Variants in PDGFD observed in about 807,000 individuals in gnomAD.
PDGFD encodes the protein platelet derived growth factor D.
In PDGFD, 30 loss-of-function variants were observed where a neutral mutation model predicts 44.7. The observed-to-expected ratio is 0.67, with a 90% CI of 0.50 to 0.91. PDGFD has a LOEUF of 0.91. Ranked by LOEUF, PDGFD falls within the 40% of genes least tolerant of loss-of-function variation. PDGFD has a pLI of 0.00. For missense variants in PDGFD, 445 were observed against 457.8 expected (o/e 0.97, Z 0.25); for synonymous variants, 173 against 168.4 (o/e 1.03, Z -0.21).
chr11:103,950,548 A>G (rs1159066704), intron 3 of PDGFD, among the ~76,000 whole-genome samples: 1 of 130,352 alleles, frequency 7.7e-6, no homozygotes, highest in African/African-American at 2.9e-5. Context: ...TGGCAACAAG[A>G]GCGAAACTCT....
chr11:103,981,414 A>T (rs1859271143), intron 3 of PDGFD, among the ~76,000 whole-genome samples: 1 of 151,744 alleles, frequency 6.6e-6, no homozygotes, highest in Non-Finnish European at 1.5e-5. Flanking sequence ...ATAGCAATAG[A>T]AAAGGGACTA....
In PDGFD at chr11:103,908,544, T is replaced by C. The variant is rs1283105765; in HGVS notation, c.*1150A>G. ...CATTAATAAAATGTGATTTTTTTGA[T>C]ACACAAAAGCTTTTAGGTTGTAAAT... On this transcript the variant is annotated 3_prime_UTR_variant, in exon 7 of 7. Transcript: ENST00000393158. 2 of 152,218 alleles carry C rather than the reference T, an allele frequency of 1.3e-5. No individual in the cohort carries two copies. The highest frequency in any genetic ancestry group is 4.8e-5 in the African/African-American group (2 of 41,464). The allele number at this position is 152,218 out of a possible 1,614,324, so 9.4% of individuals were successfully genotyped here.
At chr11:103,927,261 T>C in intron 5 of PDGFD, 135 bp from the exon 6 acceptor site, 1 of 730,806 alleles carries the variant, frequency 1.4e-6, no homozygotes, top group Non-Finnish European at 2.2e-6. Context: ...CCTCAGGCTC[T>C]CAATTACTGG....
intron 5 of PDGFD, among the ~76,000 whole-genome samples, chr11:103,937,574 T>TTAAGTTTTAGAC (rs1322493445): frequency 6.6e-6 from 1 of 152,124 alleles, no homozygotes; most frequent in Non-Finnish European, 1.5e-5. Context: ...TTATTATACT[T>TTAAGTTTTAGAC]TAAGTTTTAG....
intron 3 of PDGFD, among the ~76,000 whole-genome samples, chr11:103,965,182 G>A (rs1432154252): frequency 6.6e-5 from 10 of 152,078 alleles, no homozygotes; most frequent in African/African-American, 9.7e-5. Context: ...TGCATTTGAC[G>A]TGAGAAGCCA....
At chr11:104,140,391 C>T (rs1022679257) in intron 1 of PDGFD, among the ~76,000 whole-genome samples, 1 of 152,020 alleles carries the variant, frequency 6.6e-6, no homozygotes, top group Non-Finnish European at 1.5e-5. Context: ...AGAGATTGAG[C>T]TCACATGCAA....
At chr11:104,073,285 T>C (rs1325398608) in intron 1 of PDGFD, among the ~76,000 whole-genome samples, 2 of 152,154 alleles carry the variant, frequency 1.3e-5, no homozygotes, top group East Asian at 1.9e-4. Flanking sequence ...GCTGTAATAA[T>C]TGCAATTTAA....
At chr11:103,973,305 AT>A (rs35172142) in intron 3 of PDGFD, among the ~76,000 whole-genome samples, 28,136 of 144,142 alleles carry the variant, frequency 0.2, 2,761 homozygotes, top group Middle Eastern at 0.31. Context: ...TGCCCGGCCA[AT>A]TTTTTTTTTT....
intron 3 of PDGFD, among the ~76,000 whole-genome samples, chr11:103,987,930 T>C (rs1345558730): frequency 6.6e-6 from 1 of 152,194 alleles, no homozygotes; most frequent in Non-Finnish European, 1.5e-5. Context: ...ATTTTATCAC[T>C]GCAATTCTCC....
chr11:104,120,321 T>C (rs1861759097), intron 1 of PDGFD, among the ~76,000 whole-genome samples: 1 of 151,860 alleles, frequency 6.6e-6, no homozygotes, highest in Non-Finnish European at 1.5e-5. Context: ...TGCCACTGGA[T>C]TAACATTTCC....
intron 1 of PDGFD, among the ~76,000 whole-genome samples, chr11:104,019,969 T>C (rs1776445288): frequency 1.3e-5 from 2 of 151,816 alleles, no homozygotes; most frequent in Admixed American, 6.6e-5. Flanking sequence ...GCACCAAAAA[T>C]AAAAAAATAT....
rs1565347744 is a variant in PDGFD at position 104,144,538 on chromosome 11, A to AAAAAAAAAACC, written c.124+19265_124+19266insGGTTTTTTTTT. On this transcript the variant is annotated intron_variant, in intron 1 of 6. Transcript: ENST00000393158. Reference sequence around the variant, plus strand: ...AAAAAAAAAAAAAAAACCCAACAAAACAAAACAAACAAACAAAAAGGCCAA... The same window carrying AAAAAAAAAACC: ...AAAAAAAAAAAAAAAACCCAACAAAAAAAAAAAAACCCAAAACAAACAAACAAAAAGGCCAA... Among the ~76,000 whole-genome samples the AAAAAAAAAACC allele has an allele frequency of 1.1e-3, 148 of 134,184 alleles. 3 individuals are homozygous for AAAAAAAAAACC. The highest frequency in any genetic ancestry group is 4.2e-3 in the African/African-American group (135 of 32,264). The allele number at this position is 134,184 out of a possible 152,430, so 88.0% of individuals were successfully genotyped here.
intron 5 of PDGFD, among the ~76,000 whole-genome samples, chr11:103,929,823 C>G (rs1363748212): frequency 6.6e-6 from 1 of 152,090 alleles, no homozygotes; most frequent in Non-Finnish European, 1.5e-5. Context: ...GAGCAGGGAG[C>G]CAGACAGAGG....
intron 1 of PDGFD, among the ~76,000 whole-genome samples, chr11:104,017,102 G>A (rs926717100): frequency 1.3e-5 from 2 of 152,174 alleles, no homozygotes; most frequent in African/African-American, 4.8e-5. Flanking sequence ...AGGCTCCAGA[G>A]AGATTCCTAA....
At chr11:103,980,572 G>A (rs1859255236) in intron 3 of PDGFD, among the ~76,000 whole-genome samples, 1 of 151,980 alleles carries the variant, frequency 6.6e-6, no homozygotes. Flanking sequence ...CACTGCACTA[G>A]GTATTCTCTT....
intron 1 of PDGFD, among the ~76,000 whole-genome samples, chr11:104,136,690 T>C (rs1862009782): frequency 1.3e-5 from 2 of 152,204 alleles, no homozygotes; most frequent in African/African-American, 4.8e-5. Flanking sequence ...TTTTCACAAA[T>C]ACACCTTTCC....
At chr11:104,137,728 CTTTTTTTTTTT>C (rs5794295) in intron 1 of PDGFD, among the ~76,000 whole-genome samples, 3 of 76,618 alleles carry the variant, frequency 3.9e-5, no homozygotes, top group East Asian at 4.8e-4. Context: ...TAGATCACCA[CTTTTTTTTTTT>C]TTTTTTTTTT....
At chr11:103,966,840 TA>T (rs35810513) in intron 3 of PDGFD, among the ~76,000 whole-genome samples, 79,065 of 151,816 alleles carry the variant, frequency 0.52, 21,152 homozygotes, top group South Asian at 0.63. Flanking sequence ...ACAATCCTGA[TA>T]ACCCTTGATG....
chr11:104,155,551 T>A (rs191064957), intron 1 of PDGFD, among the ~76,000 whole-genome samples: 1 of 152,282 alleles, frequency 6.6e-6, no homozygotes, highest in Non-Finnish European at 1.5e-5. Context: ...ACCCTACTCC[T>A]CTTCTGCTGT....
Sources: allele counts gnomAD v4.1 joint callset (sites outside exome capture counted in the v4.1 genomes callset), GRCh38; gene constraint gnomAD v4.1.1; transcripts MANE v1.5; gene names NCBI Gene and HGNC (gene_info 2026-07-23, HGNC 2026-07-21).